Variants in DNAAF3 observed in about 807,000 individuals in gnomAD.
DNAAF3 encodes the protein dynein axonemal assembly factor 3.
A neutral mutation model predicts 50.9 loss-of-function variants in DNAAF3; 40 were observed. The ratio of observed to expected loss-of-function variants is 0.79; its 90% confidence interval spans 0.61 to 1.02. DNAAF3 has a LOEUF of 1.02. DNAAF3 is among the 50% of genes least tolerant of loss of function. The probability of loss-of-function intolerance (pLI) is 0.00; values close to 1 mark genes in which losing one functional copy is unlikely to be tolerated. For missense variants in DNAAF3, 763 were observed against 744.7 expected (o/e 1.02, Z -0.29); for synonymous variants, 327 against 322.8 (o/e 1.01, Z -0.14).
intron 4 of DNAAF3, among the ~76,000 whole-genome samples, chr19:55,163,538 C>T (rs1668736035): frequency 6.6e-6 from 1 of 151,344 alleles, no homozygotes; most frequent in South Asian, 2.1e-4. Flanking sequence ...GCAGTCCTCC[C>T]ACCTCAGGCT....
Position 55,161,134 on chromosome 19 carries a change from G to T in DNAAF3, c.843C>A (p.Pro281=). 1 of 1,550,228 alleles carries T rather than the reference G, an allele frequency of 6.5e-7. No individual in the cohort carries two copies. The change falls in exon 8 of 12, where the codon CCC becomes CCA. Residue 281 remains proline (P), a synonymous_variant. Coordinates refer to ENST00000524407, the MANE Select transcript of DNAAF3 (RefSeq NM_001256715.2). The surrounding 1 kb of genome is among the most constrained non-coding windows in gnomAD (Gnocchi z 6.4). ...RGYWGDIATG[P]FVAFGIEADD... is the part of the protein sequence containing the mutation. Reference sequence around the variant, plus strand: ...CCGCTTCGATGCCGAAGGCCACGAAGGGCCCCGTGGCGATGTCCCCCCAGT... The same window carrying T: ...CCGCTTCGATGCCGAAGGCCACGAATGGCCCCGTGGCGATGTCCCCCCAGT...
rs1479801231 is a variant in DNAAF3 at position 55,159,070 on chromosome 19, C to T, written c.1618G>A (p.Gly540Arg). The T allele has an allele frequency of 1.3e-5, 21 of 1,589,880 alleles. No homozygotes were observed. Among genetic ancestry groups the T allele is most frequent in the African/African-American group, 2.7e-5 (2 of 73,976 alleles). ...GGTGTCTAGGGGTTGGGTCAGACTCCAGTTTTGGAGTCTGACTCACAGTTG... is the reference window on the plus strand; with the variant it reads ...GGTGTCTAGGGGTTGGGTCAGACTCTAGTTTTGGAGTCTGACTCACAGTTG... ...PPNCESDSKT[G>R]V The change falls in exon 12 of 12, where the codon GGA becomes AGA. Residue 540 changes from glycine (G) to arginine (R), a missense_variant. Transcript: ENST00000524407.
chr19:55,162,907 G>T (rs188353771), intron 4 of DNAAF3: 1 of 154,598 alleles, frequency 6.5e-6, no homozygotes, highest in African/African-American at 2.4e-5. Flanking sequence ...TGAGCTTAAG[G>T]GACCCTCCTC....
In DNAAF3 at chr19:55,161,422, G is replaced by T. The variant is rs367547939; in HGVS notation, c.664-4C>A. Reference sequence around the variant, plus strand: ...CCTGGGGGTGAATGACTTGAGCCTGGGGTGGGGGGCGGGAAGAAGGGAGCC... The same window carrying T: ...CCTGGGGGTGAATGACTTGAGCCTGTGGTGGGGGGCGGGAAGAAGGGAGCC... On this transcript the variant is annotated splice_polypyrimidine_tract_variant and splice_region_variant and intron_variant, in intron 6 of 11. Coordinates refer to ENST00000524407, the MANE Select transcript of DNAAF3 (RefSeq NM_001256715.2). The surrounding 1 kb of genome is among the most constrained non-coding windows in gnomAD (Gnocchi z 6.4). 6.3e-6 allele frequency: 4 copies of T among 633,880 alleles called. No homozygotes were observed. Among genetic ancestry groups the T allele is most frequent in the African/African-American group, 5.4e-5 (3 of 55,308 alleles). 39.3% of individuals were successfully genotyped at this position (633,880 alleles called of 1,614,324 possible).
chr19:55,165,211 T>C (rs2147308852), intron 4 of DNAAF3, among the ~76,000 whole-genome samples, 159 bp downstream of exon 4: 1 of 151,766 alleles, frequency 6.6e-6, no homozygotes, highest in African/African-American at 2.4e-5. Context: ...TTCGCTCTTG[T>C]TGCCTAGGCT....
chr19:55,166,392 C>G lies in DNAAF3; in HGVS notation c.22G>C (p.Gly8Arg), dbSNP rs1166821702. The G allele has an allele frequency of 3.7e-6, 6 of 1,613,866 alleles. No homozygotes were observed. Among genetic ancestry groups the G allele is most frequent in the African/African-American group, 2.7e-5 (2 of 75,064 alleles). ...CAGGACACGGAGCCGAAGCCGCTGCCGGAGCCGGCAGGTGTGGTCATCACC... is the reference window on the plus strand; with the variant it reads ...CAGGACACGGAGCCGAAGCCGCTGCGGGAGCCGGCAGGTGTGGTCATCACC... MTTPAGS[G>R]SGFGSVSWWG... Residue 8 changes from glycine (G) to arginine (R), a missense_variant, in exon 2 of 12, where the codon GGC becomes CGC. By Grantham distance (125) the Gly-to-Arg change is moderately radical. Transcript: ENST00000524407. This position sits in a 1 kb window ranked among gnomAD's most constrained non-coding sequence, Gnocchi z 4.0.
rs766522087 is a variant in DNAAF3, at chr19:55,161,716, T to C, written c.590A>G (p.Tyr197Cys). 1.3e-5 allele frequency: 20 copies of C among 1,541,150 alleles called. No individual in the cohort carries two copies. In the South Asian group the frequency reaches 1.9e-4, roughly 15 times the overall value. ...SRLWDSRLRH[Y>C]LGSRYDARRG... ...CCGGGCGTCGTAGCGGGAGCCCAGG[T>C]AGTGGCGCAGGCGCGAGTCCCAGAG... The change falls in exon 6 of 12, where the codon TAC becomes TGC. Residue 197 changes from tyrosine to cysteine, a missense_variant. By Grantham distance (194) the Tyr-to-Cys change is radical. Transcript: ENST00000524407. The surrounding 1 kb of genome is among the most constrained non-coding windows in gnomAD (Gnocchi z 6.4).
chr19:55,166,055 T>C lies in DNAAF3; in HGVS notation c.86-55A>G. 1 of 1,613,660 alleles carries C rather than the reference T, an allele frequency of 6.2e-7. No individual in the cohort carries two copies. Among genetic ancestry groups the C allele is most frequent in the Non-Finnish European group, 8.5e-7 (1 of 1,179,866 alleles). On this transcript the variant is annotated intron_variant, in intron 2 of 11. Transcript: ENST00000524407. This position sits in a 1 kb window ranked among gnomAD's most constrained non-coding sequence, Gnocchi z 4.0. Reference sequence around the variant, plus strand: ...ATGGTGGTTGGCAGAGCGTCCACCGTAGCATCCCCTATAAAAAATGGACTA... The same window carrying C: ...ATGGTGGTTGGCAGAGCGTCCACCGCAGCATCCCCTATAAAAAATGGACTA...
At position 55,160,232 on chromosome 19, in the gene DNAAF3, G is replaced by A. The variant is rs2085797782; in HGVS notation, c.1049-219C>T. ...GGCAGAGACTCACTGTACAGATCAG[G>A]CAACTGAGACTCTAGAGAGGGAAAG... On this transcript the variant is annotated intron_variant, in intron 9 of 11. Coordinates refer to ENST00000524407, the MANE Select transcript of DNAAF3 (RefSeq NM_001256715.2). This position sits in a 1 kb window ranked among gnomAD's most constrained non-coding sequence, Gnocchi z 4.7. Among the ~76,000 whole-genome samples the A allele has an allele frequency of 2.0e-5, 3 of 152,218 alleles. No homozygotes were observed. The South Asian group carries it at 6.2e-4, about 32-fold the overall frequency.
chr19:55,166,158 T>G lies in DNAAF3; in HGVS notation c.86-158A>C, dbSNP rs1328955685. 5.8e-6 allele frequency: 9 copies of G among 1,551,580 alleles called. No homozygotes were observed. In the East Asian group the frequency reaches 1.9e-4, roughly 34 times the overall value. ...CCTCTGAGTATTCTGGGATTCGCAG[T>G]CCGCAGACAGGACCTCGGGGCTGCC... On this transcript the variant is annotated intron_variant, in intron 2 of 11. Transcript: ENST00000524407. The surrounding 1 kb of genome is among the most constrained non-coding windows in gnomAD (Gnocchi z 4.0).
Position 55,166,080 on chromosome 19 carries a change from A to G in DNAAF3, c.86-80T>C, listed in dbSNP as rs1380724451. ...TAGCATCCCCTATAAAAAATGGACTACAAATCCCAGTAGGCGTTCCGCCCG... is the reference window on the plus strand; with the variant it reads ...TAGCATCCCCTATAAAAAATGGACTGCAAATCCCAGTAGGCGTTCCGCCCG... On this transcript the variant is annotated intron_variant, in intron 2 of 11. Coordinates refer to ENST00000524407, the MANE Select transcript of DNAAF3 (RefSeq NM_001256715.2). The surrounding 1 kb of genome is among the most constrained non-coding windows in gnomAD (Gnocchi z 4.0). 2 of 1,609,854 alleles carry G rather than the reference A, an allele frequency of 1.2e-6. No individual in the cohort carries two copies. The highest frequency in any genetic ancestry group is 3.4e-5 in the Admixed American group (2 of 59,074).
In DNAAF3 at chr19:55,160,903, C is replaced by T. The variant is rs993868606; in HGVS notation, c.913-128G>A. On this transcript the variant is annotated intron_variant, in intron 8 of 11. Coordinates refer to ENST00000524407, the MANE Select transcript of DNAAF3 (RefSeq NM_001256715.2). The surrounding 1 kb of genome is among the most constrained non-coding windows in gnomAD (Gnocchi z 4.7). ...TTGGAGGATGTGAAGTGGGGCGGGA[C>T]CTATCCCGCGGGGATGGGGCCTGTT... 1 of 1,455,214 alleles carries T rather than the reference C, an allele frequency of 6.9e-7. No homozygotes were observed. Among genetic ancestry groups the T allele is most frequent in the African/African-American group, 1.4e-5 (1 of 70,164 alleles). 90.1% of individuals were successfully genotyped at this position (1,455,214 alleles called of 1,614,324 possible).
rs2085776209 is a variant in DNAAF3, at chr19:55,159,395, C to A, written c.1293G>T (p.Arg431Ser). The A allele has an allele frequency of 4.3e-6, 7 of 1,614,156 alleles. No individual in the cohort carries two copies. The highest frequency in any genetic ancestry group is 4.5e-5 in the East Asian group (2 of 44,882). ...CAAATCCAGCTGCCTGAGCTAGCTC[C>A]CTGACCCGGGTGTTGAATCCCTGCA... ...EQLQGFNTRV[R>S]ELAQAAGFAP... Residue 431 changes from arginine (R) to serine (S), a missense_variant, in exon 12 of 12, where the codon AGG (arginine) becomes AGT (serine). Arg to Ser is a moderately radical substitution (Grantham distance 110). Coordinates refer to ENST00000524407, the MANE Select transcript of DNAAF3 (RefSeq NM_001256715.2).
chr19:55,162,421 A>G, intron 4 of DNAAF3, 131 bp from the exon 5 acceptor site: 11 of 1,072,694 alleles, frequency 1.0e-5, no homozygotes, highest in Non-Finnish European at 1.3e-5. Context: ...ACGCATCCCA[A>G]AAACTACATG....
chr19:55,159,869 C>G, intron 10 of DNAAF3, 30 bp downstream of exon 10: 1 of 1,609,408 alleles, frequency 6.2e-7, no homozygotes, highest in African/African-American at 1.3e-5. Context: ...GATCCTGGGT[C>G]TTTGTGAGCA....
rs767754398 is a variant in DNAAF3 at position 55,159,295 on chromosome 19, T to C, written c.1393A>G (p.Thr465Ala). ...CKSQESALGNTVPAVEPGTPP... is the reference protein window; with the variant it reads ...CKSQESALGNAVPAVEPGTPP... ...GTTCCGGGTTCCACAGCTGGGACAG[T>C]GTTGCCCAGAGCTGATTCCTGGGAC... Residue 465 changes from threonine to alanine, a missense_variant, in exon 12 of 12, where the codon ACT (threonine) becomes GCT (alanine). By Grantham distance (58) the Thr-to-Ala change is moderately conservative. Coordinates refer to ENST00000524407, the MANE Select transcript of DNAAF3 (RefSeq NM_001256715.2). 8.1e-6 allele frequency: 13 copies of C among 1,613,902 alleles called. No individual in the cohort carries two copies. In the African/African-American group the frequency reaches 1.6e-4, roughly 20 times the overall value.
At position 55,160,962 on chromosome 19, in the gene DNAAF3, C is replaced by A. The variant is rs2085816199; in HGVS notation, c.912+103G>T. 1.4e-6 allele frequency: 2 copies of A among 1,452,696 alleles called. No individual in the cohort carries two copies. The highest frequency in any genetic ancestry group is 1.8e-6 in the Non-Finnish European group (2 of 1,105,502). The allele number at this position is 1,452,696 out of a possible 1,614,324, so 90.0% of individuals were successfully genotyped here. A position where few individuals can be genotyped will look rare whatever the true frequency, so the allele number is the denominator to read the frequency against. ...GGAGTCGTTCCCACCAAGCGACGGG[C>A]GGGGTCTGGAGCTGGGGGCGGGGCC... On this transcript the variant is annotated intron_variant, in intron 8 of 11. Transcript: ENST00000524407. This position sits in a 1 kb window ranked among gnomAD's most constrained non-coding sequence, Gnocchi z 4.7.
Position 55,165,921 on chromosome 19 carries a change from C to T in DNAAF3, c.165G>A (p.Val55=). ...PELDVLLLGS[V]DGRHLLRTLS... is the part of the protein sequence containing the mutation. ...GGGTCCGCAGCAGGTGCCGTCCATC[C>T]ACAGAGCCCAGAAGCAGCACATCTA... The change falls in exon 3 of 12, where the codon GTG becomes GTA. Residue 55 remains valine (V), a synonymous_variant. Transcript: ENST00000524407. 1 of 1,614,184 alleles carries T rather than the reference C, an allele frequency of 6.2e-7. No homozygotes were observed. The highest frequency in any genetic ancestry group is 1.1e-5 in the South Asian group (1 of 91,068).
chr19:55,160,999 C>G lies in DNAAF3; in HGVS notation c.912+66G>C. On this transcript the variant is annotated intron_variant, in intron 8 of 11. Coordinates refer to ENST00000524407, the MANE Select transcript of DNAAF3 (RefSeq NM_001256715.2). The surrounding 1 kb of genome is among the most constrained non-coding windows in gnomAD (Gnocchi z 4.7). ...CTGGGGGCGGGGCCTGCTGTGGGGG[C>G]GGGGCCTTGCGCACCCACCGACCCC... 1 of 1,484,934 alleles carries G rather than the reference C, an allele frequency of 6.7e-7. No individual in the cohort carries two copies. Among genetic ancestry groups the G allele is most frequent in the Non-Finnish European group, 8.9e-7 (1 of 1,119,220 alleles). 92.0% of individuals were successfully genotyped at this position (1,484,934 alleles called of 1,614,324 possible).
Sources: gnomAD v4.1 joint callset for allele counts (sites outside exome capture counted in the v4.1 genomes callset) on GRCh38, gnomAD v4.1.1 for gene constraint, Gnocchi (gnomAD v3.1) non-coding constraint, MANE v1.5 for transcripts, NCBI Gene and HGNC (gene_info 2026-07-23, HGNC 2026-07-21) for gene names.